Variants in PDGFB observed in about 807,000 individuals in gnomAD.
PDGFB encodes the protein platelet derived growth factor subunit B.
Under a neutral mutation model 29.0 loss-of-function variants are expected in PDGFB, and 6 were observed. The observed-to-expected ratio is 0.21, with a 90% CI of 0.11 to 0.41. The LOEUF (loss-of-function observed/expected upper bound fraction) is 0.41. Ranked by LOEUF, PDGFB falls within the 10% of genes least tolerant of loss-of-function variation. The pLI is 1.00. For missense variants in PDGFB, 299 were observed against 341.8 expected (o/e 0.87, Z 0.99); for synonymous variants, 144 against 140.8 (o/e 1.02, Z -0.16).
chr22:39,240,189 G>A (rs543611434), intron 1 of PDGFB, among the ~76,000 whole-genome samples: 1 of 152,026 alleles, frequency 6.6e-6, no homozygotes, highest in East Asian at 2.0e-4. Flanking sequence ...CCTCTTGCAG[G>A]AGCAGAGGAA....
intron 1 of PDGFB, among the ~76,000 whole-genome samples, chr22:39,236,301 G>A (rs1324426978): frequency 6.6e-6 from 1 of 152,236 alleles, no homozygotes; most frequent in Non-Finnish European, 1.5e-5. Context: ...TTCAAAGAGA[G>A]GCTCAATTAT....
chr22:39,225,706 C>G lies in PDGFB; in HGVS notation c.*17G>C. 6.2e-7 allele frequency: 1 copy of G among 1,611,758 alleles called. No homozygotes were observed. Among genetic ancestry groups the G allele is most frequent in the Non-Finnish European group, 8.5e-7 (1 of 1,178,672 alleles). The stretch of plus-strand genomic sequence containing the variant: ...CGCCTGGCCCTCACCTGCCCACACA[C>G]TCTCCTGCCGATGCCCCTAGGCTCC... On this transcript the variant is annotated 3_prime_UTR_variant, in exon 6 of 7. Coordinates refer to ENST00000331163, the MANE Select transcript of PDGFB (RefSeq NM_002608.4).
chr22:39,229,530 C>T (rs908099555), intron 5 of PDGFB, among the ~76,000 whole-genome samples: 27 of 152,204 alleles, frequency 1.8e-4, no homozygotes, highest in South Asian at 4.1e-4. Flanking sequence ...TTCTCATCCC[C>T]AGGACAAGCT....
chr22:39,243,794 C>A lies in PDGFB; in HGVS notation c.63+107G>T, dbSNP rs1473655242. On this transcript the variant is annotated intron_variant, in intron 1 of 6. Coordinates refer to ENST00000331163, the MANE Select transcript of PDGFB (RefSeq NM_002608.4). The surrounding 1 kb of genome is among the most constrained non-coding windows in gnomAD (Gnocchi z 6.4). ...CACCCAGCGCCCGGCGTCAGGCTCG[C>A]GGGCTGCAAGGGTCCAAAGTTCACT... 1.2e-5 allele frequency: 10 copies of A among 838,900 alleles called. No individual in the cohort carries two copies. Among genetic ancestry groups the A allele is most frequent in the Non-Finnish European group, 1.8e-5 (10 of 551,566 alleles). 52.0% of individuals were successfully genotyped at this position (838,900 alleles called of 1,614,324 possible). A position where few individuals can be genotyped will look rare whatever the true frequency, so the allele number is the denominator to read the frequency against.
chr22:39,228,313 C>T (rs973877709), intron 5 of PDGFB, among the ~76,000 whole-genome samples: 5 of 152,232 alleles, frequency 3.3e-5, no homozygotes, highest in Admixed American at 6.5e-5. Context: ...GAAGGCCAGG[C>T]GTGGTGGCTC....
Position 39,223,677 on chromosome 22 carries a change from G to C in PDGFB, c.*1665C>G, listed in dbSNP as rs138167315. The C allele has an allele frequency of 1.3e-5, 2 of 152,704 alleles. No homozygotes were observed. Among genetic ancestry groups the C allele is most frequent in the African/African-American group, 4.8e-5 (2 of 41,424 alleles). The allele number at this position is 152,704 out of a possible 1,614,324, so 9.5% of individuals were successfully genotyped here. On this transcript the variant is annotated 3_prime_UTR_variant, in exon 7 of 7. Transcript: ENST00000331163. ...CGATGCCAACAGACAGACCTCCGGC[G>C]GATTCATTTGGTTTTGTTTTGTGGT... is the stretch of plus-strand genomic sequence containing the variant.
Position 39,224,785 on chromosome 22 carries a change from C to G in PDGFB, c.*557G>C, listed in dbSNP as rs185652326. ...ACTGTGCACAGAGGCACCAGGGAGACGAGGTGACTGGTGTTTGGGCACCGT... is the reference window on the plus strand; with the variant it reads ...ACTGTGCACAGAGGCACCAGGGAGAGGAGGTGACTGGTGTTTGGGCACCGT... On this transcript the variant is annotated 3_prime_UTR_variant, in exon 7 of 7. Transcript: ENST00000331163. 6.6e-6 allele frequency: 1 copy of G among 152,344 alleles called. No homozygotes were observed. The highest frequency in any genetic ancestry group is 2.4e-5 in the African/African-American group (1 of 41,436). The allele number at this position is 152,344 out of a possible 1,614,324, so 9.4% of individuals were successfully genotyped here.
Position 39,242,562 on chromosome 22 carries a change from G to A in PDGFB, c.63+1339C>T, listed in dbSNP as rs1311579633. Among the ~76,000 whole-genome samples the A allele has an allele frequency of 6.6e-6, 1 of 150,856 alleles. No homozygotes were observed. Among genetic ancestry groups the A allele is most frequent in the Non-Finnish European group, 1.5e-5 (1 of 67,590 alleles). ...CCTCCCTCCCGGGTGCGGGCCGCGG[G>A]GGGCGGCCGCGGAAGGGCGGGGCCC... is the stretch of plus-strand genomic sequence containing the variant. On this transcript the variant is annotated intron_variant, in intron 1 of 6. Coordinates refer to ENST00000331163, the MANE Select transcript of PDGFB (RefSeq NM_002608.4). The surrounding 1 kb of genome is among the most constrained non-coding windows in gnomAD (Gnocchi z 5.7).
Position 39,244,361 on chromosome 22 carries a change from A to G in PDGFB, c.-398T>C, listed in dbSNP as rs2146459905. ...GATGGTTCGTCTTCACTCGCCGGCTACAGGCGTTTTCCTCTGCCCGCCGGC... is the reference window on the plus strand; with the variant it reads ...GATGGTTCGTCTTCACTCGCCGGCTGCAGGCGTTTTCCTCTGCCCGCCGGC... On this transcript the variant is annotated 5_prime_UTR_variant, in exon 1 of 7. Transcript: ENST00000331163. The surrounding 1 kb of genome is among the most constrained non-coding windows in gnomAD (Gnocchi z 4.5). 1 of 195,914 alleles carries G rather than the reference A, an allele frequency of 5.1e-6. No individual in the cohort carries two copies. Among genetic ancestry groups the G allele is most frequent in the African/African-American group, 2.3e-5 (1 of 43,182 alleles). The allele number at this position is 195,914 out of a possible 1,614,324, so 12.1% of individuals were successfully genotyped here. A position where few individuals can be genotyped will look rare whatever the true frequency, so the allele number is the denominator to read the frequency against.
At chr22:39,241,903 C>A (rs1429777648) in intron 1 of PDGFB, among the ~76,000 whole-genome samples, 4 of 150,710 alleles carry the variant, frequency 2.7e-5, no homozygotes, top group Non-Finnish European at 5.9e-5. Flanking sequence ...GTCGGGCTGA[C>A]GAGGCAAAAA....
chr22:39,233,616 T>A (rs996133196), intron 2 of PDGFB, 92 bp from the exon 3 acceptor site: 1 of 766,046 alleles, frequency 1.3e-6, no homozygotes, highest in Non-Finnish European at 2.1e-6. Context: ...GAGGTTTGCC[T>A]CTCCCCCACT....
intron 3 of PDGFB, 67 bp downstream of exon 3, chr22:39,233,368 G>T: frequency 8.1e-7 from 1 of 1,231,998 alleles, no homozygotes; most frequent in Non-Finnish European, 1.2e-6. Flanking sequence ...CTGGCTGCCC[G>T]CCCCCGTTCT....
At position 39,225,789 on chromosome 22, in the gene PDGFB, C is replaced by T. The variant is rs778892204; in HGVS notation, c.660G>A (p.Lys220=). 32 of 1,614,056 alleles carry T rather than the reference C, an allele frequency of 2.0e-5. No homozygotes were observed. The highest frequency in any genetic ancestry group is 2.7e-5 in the African/African-American group (2 of 74,946). Residue 220 remains lysine (K), a synonymous_variant, in exon 6 of 7, where the codon AAG becomes AAA. Coordinates refer to ENST00000331163, the MANE Select transcript of PDGFB (RefSeq NM_002608.4). ...TGTGCTTGAATTTCCGGTGCTTGCC[C>T]TTGGGGGGCCGGCGGACTCGCACCG... ...IRTVRVRRPP[K]GKHRKFKHTH...
rs1483833522 is a variant in PDGFB at position 39,244,919 on chromosome 22, G to C, written c.-956C>G. Among the ~76,000 whole-genome samples the C allele has an allele frequency of 1.3e-5, 2 of 151,998 alleles. No homozygotes were observed. The highest frequency in any genetic ancestry group is 4.8e-5 in the African/African-American group (2 of 41,412). Reference sequence around the variant, plus strand: ...GGAGGGGAGCCCTAGGGAGGCAGCGGGGGAGGCTGCGGGTGCGCAGGGAGG... The same window carrying C: ...GGAGGGGAGCCCTAGGGAGGCAGCGCGGGAGGCTGCGGGTGCGCAGGGAGG... On this transcript the variant is annotated 5_prime_UTR_variant, in exon 1 of 7. Transcript: ENST00000331163. This position sits in a 1 kb window ranked among gnomAD's most constrained non-coding sequence, Gnocchi z 4.5.
Position 39,224,478 on chromosome 22 carries a change from G to C in PDGFB, c.*864C>G, listed in dbSNP as rs1932117823. ...TGGGATCATCTGGGGCCTTAATAAG[G>C]GGTTCAAGAGCCCCTTGGTGGAGCA... On this transcript the variant is annotated 3_prime_UTR_variant, in exon 7 of 7. Coordinates refer to ENST00000331163, the MANE Select transcript of PDGFB (RefSeq NM_002608.4). 6.5e-6 allele frequency: 1 copy of C among 152,684 alleles called. No individual in the cohort carries two copies. Among genetic ancestry groups the C allele is most frequent in the African/African-American group, 2.4e-5 (1 of 41,384 alleles). 9.5% of individuals were successfully genotyped at this position (152,684 alleles called of 1,614,324 possible).
In PDGFB at chr22:39,242,812, G is replaced by A. The variant is rs899120396; in HGVS notation, c.63+1089C>T. The A allele has an allele frequency of 1.7e-5, 4 of 231,232 alleles. No homozygotes were observed. Among genetic ancestry groups the A allele is most frequent in the Non-Finnish European group, 2.6e-5 (3 of 116,820 alleles). 14.3% of individuals were successfully genotyped at this position (231,232 alleles called of 1,614,324 possible). ...AGCCGGCGAGGTGCGGGCGAGGTGC[G>A]GACTCCCGGCCGCAGCCGGGCGGAG... On this transcript the variant is annotated intron_variant, in intron 1 of 6. Coordinates refer to ENST00000331163, the MANE Select transcript of PDGFB (RefSeq NM_002608.4). The surrounding 1 kb of genome is among the most constrained non-coding windows in gnomAD (Gnocchi z 5.7).
chr22:39,230,217 G>A lies in PDGFB; in HGVS notation c.468C>T (p.Ile156=), dbSNP rs774559047. Residue 156 remains isoleucine (I), a synonymous_variant, in exon 5 of 7, where the codon ATC becomes ATT. Coordinates refer to ENST00000331163, the MANE Select transcript of PDGFB (RefSeq NM_002608.4). ...AGATTGGCTTCTTCCGCACAATCTC[G>A]ATCTTTCTCACCTGGAGGACAGAGC... ...VQLRPVQVRK[I]EIVRKKPIFK... 6.2e-6 allele frequency: 10 copies of A among 1,613,722 alleles called. No homozygotes were observed. Among genetic ancestry groups the A allele is most frequent in the South Asian group, 1.1e-5 (1 of 91,092 alleles).
rs368074914 is a variant in PDGFB, at chr22:39,225,825, C to T, written c.624G>A (p.Val208=). ...EQRAKTPQTR[V]TIRTVRVRRP... ...GGCGGACTCGCACCGTCCGAATGGT[C>T]ACCCGAGTTTGGGGCGTTTTGGCTG... The change falls in exon 6 of 7, where the codon GTG becomes GTA. Residue 208 remains valine, a synonymous_variant. Coordinates refer to ENST00000331163, the MANE Select transcript of PDGFB (RefSeq NM_002608.4). 4.3e-6 allele frequency: 7 copies of T among 1,613,392 alleles called. No individual in the cohort carries two copies. The highest frequency in any genetic ancestry group is 5.9e-6 in the Non-Finnish European group (7 of 1,179,548).
intron 1 of PDGFB, among the ~76,000 whole-genome samples, chr22:39,240,033 C>T (rs1187191460): frequency 6.6e-6 from 1 of 152,226 alleles, no homozygotes; most frequent in African/African-American, 2.4e-5. Context: ...AGCCAACCAA[C>T]CCCTTTGAAG....
Sources: gnomAD v4.1 joint callset for allele counts (sites outside exome capture counted in the v4.1 genomes callset) on GRCh38, gnomAD v4.1.1 for gene constraint, Gnocchi (gnomAD v3.1) non-coding constraint, MANE v1.5 for transcripts, NCBI Gene and HGNC (gene_info 2026-07-23, HGNC 2026-07-21) for gene names.